MEF2A: variants seen among roughly 807,000 people sequenced by gnomAD.
MEF2A encodes the protein myocyte enhancer factor 2A, also known as myocyte-specific enhancer factor 2A.
Under a neutral mutation model 55.8 loss-of-function variants are expected in MEF2A, and 28 were observed. The observed-to-expected ratio is 0.50, with a 90% CI of 0.37 to 0.69. The LOEUF (loss-of-function observed/expected upper bound fraction) is 0.69. Ranked by LOEUF, MEF2A falls within the 30% of genes least tolerant of loss-of-function variation. MEF2A has a pLI of 0.00. For missense variants in MEF2A, 528 were observed against 626.2 expected (o/e 0.84, Z 1.67); for synonymous variants, 239 against 227.1 (o/e 1.05, Z -0.47).
rs1427306040 is a variant in MEF2A, at chr15:99,715,620, C to G, written c.*2849C>G. 6.6e-6 allele frequency: 1 copy of G among 152,232 alleles called. No homozygotes were observed. The highest frequency in any genetic ancestry group is 1.9e-4 in the East Asian group (1 of 5,200). The allele number at this position is 152,232 out of a possible 1,614,324, so 9.4% of individuals were successfully genotyped here. ...AAACCAGCCTAGAGAGGGGACGACG[C>G]TAATGGTGTTGCTTTAGAACCGTCT... On this transcript the variant is annotated 3_prime_UTR_variant, in exon 12 of 12. Transcript: ENST00000557942.
Position 99,715,871 on chromosome 15 carries a change from C to T in MEF2A, c.*3100C>T, listed in dbSNP as rs1294821739. 6.6e-6 allele frequency: 1 copy of T among 152,322 alleles called. No individual in the cohort carries two copies. The highest frequency in any genetic ancestry group is 1.5e-5 in the Non-Finnish European group (1 of 68,138). The allele number at this position is 152,322 out of a possible 1,614,324, so 9.4% of individuals were successfully genotyped here. The stretch of plus-strand genomic sequence containing the variant: ...CAGGTGGTCCCAATCAAAACTCCAT[C>T]TTTTGAGCCCAATTATGTCCATTTT... On this transcript the variant is annotated 3_prime_UTR_variant, in exon 12 of 12. Coordinates refer to ENST00000557942, the MANE Select transcript of MEF2A (RefSeq NM_001319206.4).
At chr15:99,581,640 T>C (rs969808630) in intron 1 of MEF2A, among the ~76,000 whole-genome samples, 2 of 152,180 alleles carry the variant, frequency 1.3e-5, no homozygotes, top group African/African-American at 4.8e-5. Flanking sequence ...TCTCACTGTT[T>C]TAGTGATTAT....
chr15:99,698,160 C>T (rs35410986), intron 8 of MEF2A, among the ~76,000 whole-genome samples: 37,029 of 151,942 alleles, frequency 0.24, 4,756 homozygotes, highest in African/African-American at 0.31. Context: ...AAGCAGGATC[C>T]ATAAAGAAAA....
intron 4 of MEF2A, among the ~76,000 whole-genome samples, chr15:99,659,270 G>C (rs144227295): frequency 2.6e-5 from 4 of 152,022 alleles, no homozygotes; most frequent in South Asian, 2.1e-4. Flanking sequence ...GTTGGGATTG[G>C]GGGGTGGGGC....
In MEF2A at chr15:99,597,955, T is replaced by C. The variant is rs78979225; in HGVS notation, c.-224-475T>C. Among the ~76,000 whole-genome samples, 1,022 of 152,342 alleles carry C rather than the reference T, an allele frequency of 6.7e-3. 11 individuals are homozygous for C. The highest frequency in any genetic ancestry group is 0.023 in the African/African-American group (972 of 41,592). On this transcript the variant is annotated intron_variant, in intron 1 of 11. Coordinates refer to ENST00000557942, the MANE Select transcript of MEF2A (RefSeq NM_001319206.4). ...CTAGTGAAAATTACAAATATACACA[T>C]TGTATTGAAATACAGGTATATTTTA...
intron 7 of MEF2A, 52 bp downstream of exon 7, chr15:99,675,510 C>G (rs145040892): frequency 3.0e-5 from 43 of 1,445,384 alleles, no homozygotes; most frequent in Non-Finnish European, 3.7e-5. Context: ...TATATGAGAT[C>G]AAAGGAATGT....
rs71149484 is a variant in MEF2A at position 99,687,084 on chromosome 15, C to CTTTTTTTTTT, written c.671-3141_671-3132dup. On this transcript the variant is annotated intron_variant, in intron 7 of 11. Transcript: ENST00000557942. Reference sequence around the variant, plus strand: ...ACACCACCATGTCCTATTAATTTTTCTTTTTTTTTTTTTTTTTTTTTTTTT... The same window carrying CTTTTTTTTTT: ...ACACCACCATGTCCTATTAATTTTTCTTTTTTTTTTTTTTTTTTTTTTTTTTTTTTTTTTT... 3.8e-4 allele frequency among the ~76,000 whole-genome samples: 26 copies of CTTTTTTTTTT among 67,748 alleles called. 3 individuals carry two copies. The highest frequency in any genetic ancestry group is 6.6e-4 in the African/African-American group (10 of 15,112). The allele number at this position is 67,748 out of a possible 152,430, so 44.4% of individuals were successfully genotyped here. A position where few individuals can be genotyped will look rare whatever the true frequency, so the allele number is the denominator to read the frequency against.
intron 1 of MEF2A, among the ~76,000 whole-genome samples, chr15:99,594,837 T>G (rs1156584340): frequency 6.6e-6 from 1 of 152,214 alleles, no homozygotes; most frequent in Non-Finnish European, 1.5e-5. Flanking sequence ...AAGGGTGTTA[T>G]GAAATTATCA....
rs375108417 is a variant in MEF2A at position 99,712,419 on chromosome 15, A to G, written c.1166A>G (p.Asn389Ser). ...GGAGGGCAGTTATCTCAGGGTTCCA[A>G]TTTATCCATTAATACCAACCAAAAC... ...VAGGQLSQGS[N>S]LSINTNQNIS... is the part of the protein sequence containing the mutation. The change falls in exon 12 of 12, where the codon AAT (asparagine) becomes AGT (serine). Residue 389 changes from asparagine to serine, a missense_variant. Transcript: ENST00000557942. This position sits in a 1 kb window ranked among gnomAD's most constrained non-coding sequence, Gnocchi z 4.1. The G allele has an allele frequency of 2.5e-5, 39 of 1,541,628 alleles. No individual in the cohort carries two copies. Among genetic ancestry groups the G allele is most frequent in the Middle Eastern group, 3.3e-4 (2 of 5,974 alleles).
At chr15:99,633,234 G>C (rs962295852) in intron 3 of MEF2A, 61 bp downstream of exon 3, 1 of 1,201,240 alleles carries the variant, frequency 8.3e-7, no homozygotes, top group African/African-American at 1.6e-5. Flanking sequence ...AAGAACATAG[G>C]ACAGAATGGT....
intron 1 of MEF2A, among the ~76,000 whole-genome samples, chr15:99,572,550 C>T (rs866093576): frequency 6.6e-6 from 1 of 152,200 alleles, no homozygotes; most frequent in Non-Finnish European, 1.5e-5. Flanking sequence ...TCATCTTACT[C>T]TTAGCTGTAT....
At chr15:99,582,757 C>T (rs1184189703) in intron 1 of MEF2A, among the ~76,000 whole-genome samples, 2 of 152,068 alleles carry the variant, frequency 1.3e-5, no homozygotes, top group African/African-American at 4.8e-5. Flanking sequence ...TAGTTGTCAG[C>T]CTTTTTCTTC....
rs1968078157 is a variant in MEF2A, at chr15:99,588,316, T to G, written c.-224-10114T>G. The stretch of plus-strand genomic sequence containing the variant: ...TTGTTGTTTTTTTCTTTTCTTTTCT[T>G]TTTTTGAGAAGGAGTCTCACTGTTG... On this transcript the variant is annotated intron_variant, in intron 1 of 11. Transcript: ENST00000557942. 3.3e-5 allele frequency among the ~76,000 whole-genome samples: 5 copies of G among 151,454 alleles called. No homozygotes were observed. The South Asian group carries it at 1.0e-3, about 32-fold the overall frequency.
Position 99,671,400 on chromosome 15 carries a change from G to T in MEF2A, c.336G>T (p.Glu112Asp), listed in dbSNP as rs1135564. ...DDYFEHSPLS[E>D]DRFSKLNEDS... is the part of the protein sequence containing the mutation. ...ACTTTGAGCACAGTCCACTCTCGGA[G>T]GACAGATTCAGCAAACTAAATGAAG... is the stretch of plus-strand genomic sequence containing the variant. The change falls in exon 5 of 12, where the codon GAG becomes GAT. Residue 112 changes from glutamate to aspartate, a missense_variant. Glu to Asp is a conservative substitution (Grantham distance 45). Transcript: ENST00000557942. The T allele has an allele frequency of 6.2e-7, 1 of 1,613,884 alleles. No individual in the cohort carries two copies. The highest frequency in any genetic ancestry group is 1.7e-5 in the Admixed American group (1 of 60,010).
In MEF2A at chr15:99,640,452, G is replaced by A. The variant is rs751963955; in HGVS notation, c.55-5109G>A. On this transcript the variant is annotated intron_variant, in intron 3 of 11. Transcript: ENST00000557942. ...TCTTAAATCTACCTTACCTCACCTT[G>A]ATATAGCTACATATTTCTTCCTTTC... Among the ~76,000 whole-genome samples the A allele has an allele frequency of 5.9e-5, 9 of 151,612 alleles. No homozygotes were observed. In the East Asian group the frequency reaches 1.7e-3, roughly 29 times the overall value.
chr15:99,631,098 G>A (rs1359311661), intron 2 of MEF2A, among the ~76,000 whole-genome samples: 1 of 152,092 alleles, frequency 6.6e-6, no homozygotes, highest in African/African-American at 2.4e-5. Flanking sequence ...CTCAAAGGAA[G>A]GTTGGTTTGA....
chr15:99,687,092 T>TC (rs1210222694), intron 7 of MEF2A, among the ~76,000 whole-genome samples: 2 of 137,634 alleles, frequency 1.5e-5, no homozygotes, highest in Non-Finnish European at 3.1e-5. Context: ...TTCTTTTTTT[T>TC]TTTTTTTTTT....
At chr15:99,693,284 T>G (rs1004801216) in intron 8 of MEF2A, among the ~76,000 whole-genome samples, 1 of 152,210 alleles carries the variant, frequency 6.6e-6, no homozygotes, top group African/African-American at 2.4e-5. Context: ...CCAAGAGCTA[T>G]GCACCATTAT....
chr15:99,661,585 ATAGGTGCCTC>A (rs2048647375), intron 4 of MEF2A, among the ~76,000 whole-genome samples: 1 of 152,156 alleles, frequency 6.6e-6, no homozygotes, highest in Non-Finnish European at 1.5e-5. Context: ...AAGTACTTGA[ATAGGTGCCTC>A]ACAAAAGAGA....
Sources: gnomAD v4.1 joint callset for allele counts (sites outside exome capture counted in the v4.1 genomes callset) on GRCh38, gnomAD v4.1.1 for gene constraint, Gnocchi (gnomAD v3.1) non-coding constraint, MANE v1.5 for transcripts, NCBI Gene and HGNC (gene_info 2026-07-23, HGNC 2026-07-21) for gene names.